The following LRP1B variants were observed in gnomAD, a reference collection of about 807,000 sequenced individuals.
The protein encoded by LRP1B is LDL receptor related protein 1B, also known as low-density lipoprotein receptor-related protein 1B.
A neutral mutation model predicts 556.6 loss-of-function variants in LRP1B; 217 were observed. The ratio of observed to expected loss-of-function variants is 0.39; its 90% CI spans 0.35 to 0.44. The LOEUF is 0.44. LRP1B is among the 20% of genes least tolerant of loss of function. The pLI is 1.00. For missense variants in LRP1B, 5,053 were observed against 5,620.8 expected, an observed-to-expected ratio of 0.90 and a Z score of 3.23; for synonymous variants, 2,047 against 1,865.8, an observed-to-expected ratio of 1.10 and a Z score of -2.50.
intron 16 of LRP1B, among the ~76,000 whole-genome samples, chr2:140,991,044 C>T (rs948687897): frequency 6.6e-6 from 1 of 151,608 alleles, no homozygotes; most frequent in Non-Finnish European, 1.5e-5. Flanking sequence ...AGTAAAAAAA[C>T]AAAACAAAAC....
intron 2 of LRP1B, among the ~76,000 whole-genome samples, chr2:141,699,408 C>G (rs1025976584): frequency 2.0e-5 from 3 of 151,792 alleles, no homozygotes; most frequent in Admixed American, 2.0e-4. Flanking sequence ...CTTTAATAGT[C>G]ACATCATTTG....
chr2:141,675,540 T>TA (rs1348220032), intron 2 of LRP1B, among the ~76,000 whole-genome samples: 7 of 151,826 alleles, frequency 4.6e-5, no homozygotes, highest in Non-Finnish European at 1.5e-5. Context: ...ATTTTGCATT[T>TA]AAAATGAGGA....
intron 43 of LRP1B, among the ~76,000 whole-genome samples, chr2:140,576,784 C>T (rs1197253441): frequency 6.6e-6 from 1 of 152,118 alleles, no homozygotes; most frequent in East Asian, 1.9e-4. Context: ...CGACTTTTGG[C>T]CTGAGCTTCA....
chr2:141,869,545 T>C (rs1015260916), intron 1 of LRP1B, among the ~76,000 whole-genome samples: 1 of 152,108 alleles, frequency 6.6e-6, no homozygotes, highest in East Asian at 1.9e-4. Flanking sequence ...ATTTGTGATA[T>C]GTACCTTACC....
chr2:141,104,271 T>G (rs944102399), intron 7 of LRP1B, among the ~76,000 whole-genome samples: 1 of 152,012 alleles, frequency 6.6e-6, no homozygotes, highest in African/African-American at 2.4e-5. Flanking sequence ...AAATTTGAAT[T>G]TAAAATAATA....
At chr2:141,323,059 G>A (rs1057063732) in intron 3 of LRP1B, among the ~76,000 whole-genome samples, 4 of 152,058 alleles carry the variant, frequency 2.6e-5, no homozygotes, top group Non-Finnish European at 2.9e-5. Flanking sequence ...TTAGGAAAAG[G>A]AGTGTTATTC....
In LRP1B at chr2:141,411,480, GACATT is replaced by G. The variant is rs1690848718; in HGVS notation, c.343+68911_343+68915del. Among the ~76,000 whole-genome samples, 3 of 152,238 alleles carry G rather than the reference GACATT, an allele frequency of 2.0e-5. No individual in the cohort carries two copies. The South Asian group carries it at 6.2e-4, about 32-fold the overall frequency. On this transcript the variant is annotated intron_variant, in intron 3 of 90. Coordinates refer to ENST00000389484, the MANE Select transcript of LRP1B (RefSeq NM_018557.3). ...CTATTCATCCCTCTGAAACAGGTAT[GACATT>G]GCATCATAATATATGAGAATTAGTG... is the stretch of plus-strand genomic sequence containing the variant.
At chr2:140,955,075 A>G (rs1351782383) in intron 18 of LRP1B, among the ~76,000 whole-genome samples, 2 of 151,982 alleles carry the variant, frequency 1.3e-5, no homozygotes, top group Non-Finnish European at 2.9e-5. Flanking sequence ...TGGGTCCTAT[A>G]AGTCCTAGAG....
intron 2 of LRP1B, among the ~76,000 whole-genome samples, chr2:141,609,353 A>G (rs945950273): frequency 6.6e-6 from 1 of 152,186 alleles, no homozygotes; most frequent in Non-Finnish European, 1.5e-5. Context: ...GAAAATAAGA[A>G]TCCATCCCTA....
At chr2:140,307,266 A>G (rs964708365) in intron 83 of LRP1B, among the ~76,000 whole-genome samples, 4 of 151,980 alleles carry the variant, frequency 2.6e-5, no homozygotes. Flanking sequence ...AGCAATAGCA[A>G]AACCTATTGT....
chr2:140,681,992 T>C (rs1049314817), intron 41 of LRP1B, among the ~76,000 whole-genome samples: 4 of 152,262 alleles, frequency 2.6e-5, no homozygotes, highest in Non-Finnish European at 5.9e-5. Flanking sequence ...TGCCACATTC[T>C]GAAGTCTCTT....
rs116004444 is a variant in LRP1B, at chr2:141,694,139, C to T, written c.205+116140G>A. ...CCCTTTCTCCTCCCTCCTCCTCTCC[C>T]TCTACCTCTACCTCTCTAAGCCTTG... On this transcript the variant is annotated intron_variant, in intron 2 of 90. Coordinates refer to ENST00000389484, the MANE Select transcript of LRP1B (RefSeq NM_018557.3). Among the ~76,000 whole-genome samples the T allele has an allele frequency of 1.5e-3, 235 of 152,164 alleles. 1 individual carries two copies. Among genetic ancestry groups the T allele is most frequent in the African/African-American group, 5.4e-3 (225 of 41,548 alleles).
chr2:141,506,566 A>C (rs766479892), intron 2 of LRP1B, among the ~76,000 whole-genome samples: 39 of 152,062 alleles, frequency 2.6e-4, no homozygotes, highest in Admixed American at 3.3e-4. Flanking sequence ...CCACTGTTAC[A>C]TTACGGGAAG....
At chr2:141,662,467 A>G (rs181574171) in intron 2 of LRP1B, among the ~76,000 whole-genome samples, 1 of 152,332 alleles carries the variant, frequency 6.6e-6, no homozygotes, top group East Asian at 1.9e-4. Flanking sequence ...AGAGGGTCAA[A>G]ATAAAGGGAT....
At chr2:141,554,262 A>G (rs1298649862) in intron 2 of LRP1B, among the ~76,000 whole-genome samples, 1 of 89,992 alleles carries the variant, frequency 1.1e-5, no homozygotes, top group Non-Finnish European at 2.6e-5. Context: ...CTAGATATAG[A>G]TTATATATAT....
At chr2:140,961,044 T>A (rs1477089518) in intron 18 of LRP1B, among the ~76,000 whole-genome samples, 1 of 151,956 alleles carries the variant, frequency 6.6e-6, no homozygotes, top group East Asian at 1.9e-4. Context: ...ACACTGTATT[T>A]GGTGGTTTTG....
chr2:141,423,684 C>T (rs1680238155), intron 3 of LRP1B, among the ~76,000 whole-genome samples: 1 of 152,138 alleles, frequency 6.6e-6, no homozygotes. Flanking sequence ...ACTCACTGTG[C>T]CTGTAGTAGA....
At chr2:141,439,355 G>A (rs1680875874) in intron 3 of LRP1B, among the ~76,000 whole-genome samples, 1 of 151,998 alleles carries the variant, frequency 6.6e-6, no homozygotes, top group South Asian at 2.1e-4. Flanking sequence ...TGTTTCTGAA[G>A]TGAAATGAAT....
intron 7 of LRP1B, among the ~76,000 whole-genome samples, chr2:141,171,982 G>A (rs185555724): frequency 3.9e-5 from 6 of 152,160 alleles, no homozygotes; most frequent in Non-Finnish European, 7.4e-5. Context: ...TTCACATTCT[G>A]ATGCAGCACA....
Sources: allele counts gnomAD v4.1 joint callset (sites outside exome capture counted in the v4.1 genomes callset), GRCh38; gene constraint gnomAD v4.1.1; transcripts MANE v1.5; gene names NCBI Gene and HGNC (gene_info 2026-07-23, HGNC 2026-07-21).